The following ZNF653 variants were observed in gnomAD, a reference collection of about 807,000 sequenced individuals.
ZNF653 encodes zinc finger protein 653.
A neutral mutation model predicts 59.9 loss-of-function variants in ZNF653; 37 were observed. The ratio of observed to expected loss-of-function variants is 0.62; its 90% CI spans 0.48 to 0.81. ZNF653 has a LOEUF of 0.81. Among genes scored for constraint, ZNF653 ranks in the 40% least tolerant of loss-of-function variants. The probability of loss-of-function intolerance (pLI) is 0.00; values close to 1 mark genes in which losing one functional copy is unlikely to be tolerated. For missense variants in ZNF653, 808 were observed against 881.1 expected (o/e 0.92, Z 1.05); for synonymous variants, 435 against 371.8 (o/e 1.17, Z -1.96).
At chr19:11,501,346 C>T (rs1258119789) in intron 1 of ZNF653, among the ~76,000 whole-genome samples, 3 of 151,686 alleles carry the variant, frequency 2.0e-5, no homozygotes, top group African/African-American at 7.3e-5. Context: ...ACCCGGCTAA[C>T]TTTTGTACTT....
rs902826470 is a variant in ZNF653, at chr19:11,505,607, C to A, written c.180G>T (p.Val60=). The A allele has an allele frequency of 1.3e-6, 2 of 1,505,266 alleles. No homozygotes were observed. The highest frequency in any genetic ancestry group is 1.8e-6 in the Non-Finnish European group (2 of 1,134,298). The allele number at this position is 1,505,266 out of a possible 1,614,324, so 93.2% of individuals were successfully genotyped here. Residue 60 remains valine (V), a synonymous_variant, in exon 1 of 9, where the codon GTG becomes GTT. Transcript: ENST00000293771. ...ESRKKYDVRR[V]YLGEAHGPWV... ...AGGGCCCGTGCGCCTCGCCCAGGTA[C>A]ACGCGCCGCACGTCGTACTTCTTCC... is the stretch of plus-strand genomic sequence containing the variant.
chr19:11,498,808 G>A (rs1235289571), intron 1 of ZNF653, among the ~76,000 whole-genome samples: 4 of 151,424 alleles, frequency 2.6e-5, no homozygotes, highest in Non-Finnish European at 4.4e-5. Flanking sequence ...GCAGTGGTGC[G>A]ATCTCGGTTC....
chr19:11,483,590 C>A lies in ZNF653; in HGVS notation c.*92G>T. 1 of 1,471,352 alleles carries A rather than the reference C, an allele frequency of 6.8e-7. No individual in the cohort carries two copies. Among genetic ancestry groups the A allele is most frequent in the South Asian group, 1.4e-5 (1 of 73,456 alleles). 91.1% of individuals were successfully genotyped at this position (1,471,352 alleles called of 1,614,324 possible). ...GGGGCGCCTCCTTCCGGCCCGCGGT[C>A]CGGGCGGCCCTCGCAGCTGTCCAGG... On this transcript the variant is annotated 3_prime_UTR_variant, in exon 9 of 9. Coordinates refer to ENST00000293771, the MANE Select transcript of ZNF653 (RefSeq NM_138783.4).
chr19:11,486,548 G>A (rs1167940301), intron 6 of ZNF653, among the ~76,000 whole-genome samples: 1 of 152,240 alleles, frequency 6.6e-6, no homozygotes, highest in Non-Finnish European at 1.5e-5. Context: ...GGCCTGGCTT[G>A]CACTAAGTGC....
At position 11,483,730 on chromosome 19, in the gene ZNF653, G is replaced by A. The variant is rs778015696; in HGVS notation, c.1800C>T (p.Ser600=). 21 of 1,613,590 alleles carry A rather than the reference G, an allele frequency of 1.3e-5. No individual in the cohort carries two copies. The highest frequency in any genetic ancestry group is 1.8e-5 in the Non-Finnish European group (21 of 1,179,666). The change falls in exon 9 of 9, where the codon AGC becomes AGT. Residue 600 remains serine, a synonymous_variant. Coordinates refer to ENST00000293771, the MANE Select transcript of ZNF653 (RefSeq NM_138783.4). ...RCGKRFEKLD[S]VKFHTLKSHP... is the part of the protein sequence containing the mutation. ...GGCTTTTGAGCGTGTGGAACTTGAC[G>A]CTGTCCAGCTTCTCGAAGCGCTTCC...
At chr19:11,486,021 C>T (rs143074201) in intron 6 of ZNF653, among the ~76,000 whole-genome samples, 1 of 152,228 alleles carries the variant, frequency 6.6e-6, no homozygotes, top group African/African-American at 2.4e-5. Flanking sequence ...GTTCTCTCAG[C>T]TCACTGCAAG....
At chr19:11,498,748 C>CT (rs1295509503) in intron 1 of ZNF653, among the ~76,000 whole-genome samples, 18 of 147,560 alleles carry the variant, frequency 1.2e-4, no homozygotes, top group African/African-American at 3.5e-4. Context: ...CTGCCCTGAA[C>CT]TTTTTTTTCT....
chr19:11,505,473 G>T lies in ZNF653; in HGVS notation c.299+15C>A, dbSNP rs2144958051. 6.8e-7 allele frequency: 1 copy of T among 1,461,858 alleles called. No homozygotes were observed. Among genetic ancestry groups the T allele is most frequent in the Non-Finnish European group, 8.9e-7 (1 of 1,118,912 alleles). 90.6% of individuals were successfully genotyped at this position (1,461,858 alleles called of 1,614,324 possible). On this transcript the variant is annotated intron_variant, in intron 1 of 8. Transcript: ENST00000293771. ...GCGTCTCCTCCCTCCCTCCCTCGGG[G>T]CCAGGCCCCCTCACCCGTGGCGGCC...
At chr19:11,489,961 C>T (rs1172746994) in intron 3 of ZNF653, among the ~76,000 whole-genome samples, 1 of 152,220 alleles carries the variant, frequency 6.6e-6, no homozygotes, top group East Asian at 1.9e-4. Flanking sequence ...ATTCTCGATG[C>T]CAACTGAATG....
At chr19:11,498,429 T>C in intron 1 of ZNF653, 90 bp from the exon 2 acceptor site, 1 of 1,542,544 alleles carries the variant, frequency 6.5e-7, no homozygotes. Flanking sequence ...GAGCCACTGC[T>C]CATTGTACAC....
Position 11,487,691 on chromosome 19 carries a change from C to T in ZNF653, c.772G>A (p.Gly258Ser), listed in dbSNP as rs1188095381. 11 of 1,613,710 alleles carry T rather than the reference C, an allele frequency of 6.8e-6. No homozygotes were observed. Among genetic ancestry groups the T allele is most frequent in the Non-Finnish European group, 9.3e-6 (11 of 1,179,966 alleles). The change falls in exon 4 of 9, where the codon GGT becomes AGT. Residue 258 changes from glycine to serine, a missense_variant. Transcript: ENST00000293771. This position sits in a 1 kb window ranked among gnomAD's most constrained non-coding sequence, Gnocchi z 5.1. ...VHHVESLAEQ[G>S]TPLCSNPAGN... ...GCTGGGTTGGAGCACAGCGGGGTAC[C>T]CTGCTCGGCCAGGCTTTCCACGTGG...
chr19:11,502,053 A>G (rs776156159), intron 1 of ZNF653, among the ~76,000 whole-genome samples: 1 of 151,796 alleles, frequency 6.6e-6, no homozygotes, highest in Non-Finnish European at 1.5e-5. Context: ...TTGGCCTCCC[A>G]AAGTGCTGGG....
rs148120504 is a variant in ZNF653, at chr19:11,487,628, C to T, written c.835G>A (p.Val279Met). Residue 279 changes from valine to methionine, a missense_variant, in exon 4 of 9, where the codon GTG becomes ATG. By Grantham distance (21) the Val-to-Met change is conservative. Transcript: ENST00000293771. The surrounding 1 kb of genome is among the most constrained non-coding windows in gnomAD (Gnocchi z 5.1). ...GPEALETVVC[V>M]PVPVQVGAGP... Reference sequence around the variant, plus strand: ...GCACCCACTTGCACAGGCACCGGCACGCACACCACTGTCTCCAGGGCTTCA... The same window carrying T: ...GCACCCACTTGCACAGGCACCGGCATGCACACCACTGTCTCCAGGGCTTCA... 1.3e-4 allele frequency: 207 copies of T among 1,613,868 alleles called. No homozygotes were observed. The highest frequency in any genetic ancestry group is 4.3e-4 in the Admixed American group (26 of 60,034).
intron 3 of ZNF653, among the ~76,000 whole-genome samples, chr19:11,488,875 C>G (rs182754945): frequency 0.025 from 3,718 of 151,682 alleles, 83 homozygotes; most frequent in Middle Eastern, 0.035. Context: ...GGATTACAGG[C>G]ATGAGCCACC....
At position 11,487,165 on chromosome 19, in the gene ZNF653, G is replaced by A. The variant is rs1971476299; in HGVS notation, c.1172-7C>T. On this transcript the variant is annotated splice_polypyrimidine_tract_variant and splice_region_variant and intron_variant, in intron 4 of 8. Transcript: ENST00000293771. This position sits in a 1 kb window ranked among gnomAD's most constrained non-coding sequence, Gnocchi z 5.1. ...AAGCACAGGTCCTCCTTCTCTACAG[G>A]GTGGACACAGGGTGGTGTCCGCAGG... 2 of 1,610,178 alleles carry A rather than the reference G, an allele frequency of 1.2e-6. No homozygotes were observed. Among genetic ancestry groups the A allele is most frequent in the South Asian group, 2.2e-5 (2 of 91,050 alleles).
chr19:11,505,740 G>A lies in ZNF653; in HGVS notation c.47C>T (p.Ala16Val), dbSNP rs1232701148. Residue 16 changes from alanine (A) to valine (V), a missense_variant, in exon 1 of 9, where the codon GCG becomes GTG. Physicochemically the swap from Ala to Val is moderately conservative, Grantham distance 64 (BLOSUM62 0). Transcript: ENST00000293771. ...LEPEAEAEAE[A>V]GAGGEAAAEE... is the part of the protein sequence containing the mutation. ...GGCTGCTGCCTCCCCGCCCGCGCCC[G>A]CCTCAGCCTCCGCCTCCGCCTCGGG... 8.6e-6 allele frequency: 12 copies of A among 1,401,532 alleles called. No homozygotes were observed. Among genetic ancestry groups the A allele is most frequent in the Non-Finnish European group, 1.1e-5 (12 of 1,088,012 alleles). The allele number at this position is 1,401,532 out of a possible 1,614,324, so 86.8% of individuals were successfully genotyped here.
intron 1 of ZNF653, among the ~76,000 whole-genome samples, chr19:11,502,346 C>T (rs888801609): frequency 3.3e-5 from 5 of 152,196 alleles, no homozygotes; most frequent in Non-Finnish European, 5.9e-5. Flanking sequence ...CCTGCCTTGG[C>T]CTCCCAAAGT....
At chr19:11,489,774 G>T (rs917888144) in intron 3 of ZNF653, among the ~76,000 whole-genome samples, 4 of 152,170 alleles carry the variant, frequency 2.6e-5, no homozygotes, top group Non-Finnish European at 5.9e-5. Context: ...TACTCCAGGG[G>T]ACACTCTCCT....
In ZNF653 at chr19:11,495,147, C is replaced by T. The variant is rs554796205; in HGVS notation, c.559+803G>A. On this transcript the variant is annotated intron_variant, in intron 3 of 8. Coordinates refer to ENST00000293771, the MANE Select transcript of ZNF653 (RefSeq NM_138783.4). The surrounding 1 kb of genome is among the most constrained non-coding windows in gnomAD (Gnocchi z 4.9). ...CGCCCCACCCTCAGCCCTGACAGGACGCCTGGCAGTGTGCCCTACGCTCCT... is the reference window on the plus strand; with the variant it reads ...CGCCCCACCCTCAGCCCTGACAGGATGCCTGGCAGTGTGCCCTACGCTCCT... 5.3e-5 allele frequency among the ~76,000 whole-genome samples: 8 copies of T among 152,268 alleles called. No homozygotes were observed. Among genetic ancestry groups the T allele is most frequent in the African/African-American group, 1.2e-4 (5 of 41,558 alleles).
Sources: gnomAD v4.1 joint callset for allele counts (sites outside exome capture counted in the v4.1 genomes callset) on GRCh38, gnomAD v4.1.1 for gene constraint, Gnocchi (gnomAD v3.1) non-coding constraint, MANE v1.5 for transcripts, NCBI Gene and HGNC (gene_info 2026-07-23, HGNC 2026-07-21) for gene names.